Variants in SNX9 observed in about 807,000 individuals in gnomAD.
SNX9 encodes the protein sorting nexin 9.
A neutral mutation model predicts 89.4 loss-of-function variants in SNX9; 44 were observed. The observed-to-expected ratio is 0.49, with a 90% CI of 0.39 to 0.63. SNX9 has a LOEUF of 0.63. Ranked by LOEUF, SNX9 falls within the 30% of genes least tolerant of loss-of-function variation. SNX9 has a pLI of 0.00. For synonymous variants in SNX9, 236 were observed against 247.8 expected, an observed-to-expected ratio of 0.95 and a Z score of 0.45; for missense variants, 578 against 736.1, an observed-to-expected ratio of 0.79 and a Z score of 2.49.
chr6:157,867,576 A>G lies in SNX9; in HGVS notation c.42A>G (p.Glu14=), dbSNP rs1782292575. The change falls in exon 2 of 18, where the codon GAA becomes GAG. Residue 14 remains glutamate (E), a synonymous_variant. Transcript: ENST00000392185. The stretch of plus-strand genomic sequence containing the variant: ...GGGTTATGTATGATTTTGCTGCTGA[A>G]CCTGGAAATAATGAACTGACGGTTA... The part of the protein sequence containing the change: ...KARVMYDFAA[E]PGNNELTVNE... 2.5e-6 allele frequency: 4 copies of G among 1,612,958 alleles called. No homozygotes were observed.
rs1784070188 is a variant in SNX9, at chr6:157,942,824, T to C, written c.1774T>C (p.Phe592Leu). 3.1e-6 allele frequency: 5 copies of C among 1,613,908 alleles called. No individual in the cohort carries two copies. The highest frequency in any genetic ancestry group is 1.1e-5 in the South Asian group (1 of 91,028). ...AEKLRQALSR[F>L]PVM ...AAAGCTGAGGCAGGCCCTCAGCCGC[T>C]TTCCAGTGATGTAGGACAGAACGGG... The change falls in exon 18 of 18, where the codon TTT (phenylalanine) becomes CTT (leucine). Residue 592 changes from phenylalanine to leucine, a missense_variant. By Grantham distance (22) the Phe-to-Leu change is conservative (BLOSUM62 0). Around this residue, in one of 2 missense-constraint regions of SNX9, gnomAD observed 348 missense variants for 491.4 expected, o/e 0.71. Coordinates refer to ENST00000392185, the MANE Select transcript of SNX9 (RefSeq NM_016224.5).
In SNX9 at chr6:157,928,713, T is replaced by C. The variant is rs1237033676; in HGVS notation, c.1288+11T>C. 2.5e-6 allele frequency: 4 copies of C among 1,578,562 alleles called. No homozygotes were observed. Among genetic ancestry groups the C allele is most frequent in the Non-Finnish European group, 3.4e-6 (4 of 1,162,858 alleles). ...AGCGCTGCACGGGCCGTAAGTCCAC[T>C]CCTCACAGTGCACTGGGCTCGTAGG... is the stretch of plus-strand genomic sequence containing the variant. On this transcript the variant is annotated intron_variant, in intron 12 of 17. Coordinates refer to ENST00000392185, the MANE Select transcript of SNX9 (RefSeq NM_016224.5).
At chr6:157,857,997 T>G (rs540479857) in intron 1 of SNX9, among the ~76,000 whole-genome samples, 8 of 152,300 alleles carry the variant, frequency 5.3e-5, no homozygotes, top group African/African-American at 1.9e-4. Flanking sequence ...TTAGGTGGCC[T>G]TTCCTTCATG....
chr6:157,828,304 ATGTTGC>A lies in SNX9; in HGVS notation c.12+4859_12+4864del, dbSNP rs1400523840. 6.7e-3 allele frequency among the ~76,000 whole-genome samples: 1,016 copies of A among 152,194 alleles called. 12 individuals are homozygous for A. The highest frequency in any genetic ancestry group is 0.023 in the African/African-American group (971 of 41,452). Reference sequence around the variant, plus strand: ...AAGGAATAGATTAGAAAGCATAAAAATGTTGCAGTTTTTCTACTGTGCCTTGTTTTT... The same window carrying A: ...AAGGAATAGATTAGAAAGCATAAAAAAGTTTTTCTACTGTGCCTTGTTTTT... On this transcript the variant is annotated intron_variant, in intron 1 of 17. Coordinates refer to ENST00000392185, the MANE Select transcript of SNX9 (RefSeq NM_016224.5).
intron 1 of SNX9, among the ~76,000 whole-genome samples, chr6:157,835,368 T>A (rs1781562411): frequency 6.6e-6 from 1 of 151,842 alleles, no homozygotes; most frequent in South Asian, 2.1e-4. Flanking sequence ...TACTATATAA[T>A]GACCAAAAGC....
chr6:157,857,984 G>A (rs573141689), intron 1 of SNX9, among the ~76,000 whole-genome samples: 16 of 152,270 alleles, frequency 1.1e-4, no homozygotes, highest in Non-Finnish European at 7.4e-5. Context: ...AGGCTGGATA[G>A]TCTTAGGTGG....
At chr6:157,905,857 G>A (rs1490255126) in intron 6 of SNX9, among the ~76,000 whole-genome samples, 2 of 152,188 alleles carry the variant, frequency 1.3e-5, no homozygotes, top group Non-Finnish European at 2.9e-5. Flanking sequence ...TGGGGTGACC[G>A]AATGTTTCAG....
intron 4 of SNX9, among the ~76,000 whole-genome samples, chr6:157,887,414 A>G (rs1425386501): frequency 2.6e-5 from 4 of 152,016 alleles, no homozygotes. Context: ...TGATGGGCTG[A>G]TCAGTGCAGA....
chr6:157,849,614 A>G (rs1781868598), intron 1 of SNX9, among the ~76,000 whole-genome samples: 2 of 152,232 alleles, frequency 1.3e-5, no homozygotes. Context: ...GAACTCACAC[A>G]TGGGATGGAG....
chr6:157,893,405 T>C (rs1322465806), intron 4 of SNX9, among the ~76,000 whole-genome samples: 2 of 152,302 alleles, frequency 1.3e-5, no homozygotes, highest in East Asian at 3.9e-4. Context: ...TAGAATGACA[T>C]CATACTTGCA....
chr6:157,905,545 C>A (rs1783193237), intron 6 of SNX9, among the ~76,000 whole-genome samples: 1 of 151,654 alleles, frequency 6.6e-6, no homozygotes, highest in South Asian at 2.1e-4. Context: ...CCCCCCACCC[C>A]CTCCCCATAG....
intron 1 of SNX9, among the ~76,000 whole-genome samples, chr6:157,858,777 C>T: frequency 6.6e-6 from 1 of 152,186 alleles, no homozygotes; most frequent in East Asian, 1.9e-4. Flanking sequence ...GGACATCTTA[C>T]ATGGCAGCAG....
At chr6:157,925,588 T>G (rs1783675510) in intron 10 of SNX9, among the ~76,000 whole-genome samples, 1 of 151,918 alleles carries the variant, frequency 6.6e-6, no homozygotes, top group African/African-American at 2.4e-5. Flanking sequence ...ATAAATAAAT[T>G]GGGGATTACT....
At chr6:157,924,963 G>A (rs564130228) in intron 10 of SNX9, among the ~76,000 whole-genome samples, 11 of 152,286 alleles carry the variant, frequency 7.2e-5, no homozygotes, top group South Asian at 2.1e-4. Context: ...AGAAGATAAC[G>A]TGGAACATCC....
intron 14 of SNX9, among the ~76,000 whole-genome samples, chr6:157,936,323 C>T (rs959787554): frequency 1.3e-5 from 2 of 152,070 alleles, no homozygotes; most frequent in Non-Finnish European, 2.9e-5. Flanking sequence ...TCCAGGAGTT[C>T]GAGACCAGCC....
rs114064314 is a variant in SNX9, at chr6:157,836,119, T to G, written c.12+12673T>G. ...GCTAATATTTAATTTTTTGTTTGTT[T>G]GTTTGTTTGTTTGTAGAGACAGGGT... On this transcript the variant is annotated intron_variant, in intron 1 of 17. Transcript: ENST00000392185. Among the ~76,000 whole-genome samples the G allele has an allele frequency of 7.1e-3, 1,081 of 152,086 alleles. 14 individuals carry two copies. The highest frequency in any genetic ancestry group is 0.025 in the African/African-American group (1,033 of 41,458).
intron 9 of SNX9, among the ~76,000 whole-genome samples, chr6:157,915,640 A>AAAT (rs1472422303): frequency 2.1e-5 from 2 of 95,170 alleles, no homozygotes; most frequent in Admixed American, 9.9e-5. Context: ...AAAAAAAAAA[A>AAAT]ATATATATAT....
intron 15 of SNX9, among the ~76,000 whole-genome samples, chr6:157,937,868 G>A (rs1184842203): frequency 6.6e-6 from 1 of 152,246 alleles, no homozygotes; most frequent in Non-Finnish European, 1.5e-5. Context: ...GTCCTGGCAT[G>A]TGGCCATTTT....
chr6:157,918,428 G>C (rs1783518192), intron 9 of SNX9, among the ~76,000 whole-genome samples: 1 of 152,020 alleles, frequency 6.6e-6, no homozygotes, highest in African/African-American at 2.4e-5. Context: ...CTCCATTTCT[G>C]TTATGGTTAC....
Sources: gnomAD v4.1 joint callset for allele counts (sites outside exome capture counted in the v4.1 genomes callset) on GRCh38, gnomAD v4.1.1 for gene constraint, gnomAD v4.1.1 regional missense constraint, MANE v1.5 for transcripts, NCBI Gene and HGNC (gene_info 2026-07-23, HGNC 2026-07-21) for gene names.